USP15: variants seen among roughly 807,000 people sequenced by gnomAD.
USP15 encodes ubiquitin carboxyl-terminal hydrolase 15.
A neutral mutation model predicts 127.1 loss-of-function variants in USP15; 18 were observed. The observed-to-expected ratio is 0.14, with a 90% CI of 0.10 to 0.21. The LOEUF (loss-of-function observed/expected upper bound fraction) is 0.21. Ranked by LOEUF, USP15 falls within the 10% of genes least tolerant of loss-of-function variation. USP15 has a pLI of 1.00. For synonymous variants in USP15, 364 were observed against 393.7 expected (o/e 0.92, Z 0.89); for missense variants, 805 against 1,159.9 (o/e 0.69, Z 4.44).
intron 6 of USP15, among the ~76,000 whole-genome samples, chr12:62,332,625 G>GA (rs1245564710): frequency 1.3e-5 from 2 of 151,600 alleles, no homozygotes; most frequent in Non-Finnish European, 2.9e-5. Flanking sequence ...GTATTGGGTG[G>GA]AAAAAAAATA....
chr12:62,391,655 T>C (rs1216250448), intron 16 of USP15, among the ~76,000 whole-genome samples, 161 bp from the exon 17 acceptor site: 1 of 152,110 alleles, frequency 6.6e-6, no homozygotes, highest in Admixed American at 6.5e-5. Flanking sequence ...TTTTAAACTC[T>C]TAAATTATTT....
chr12:62,384,292 A>G lies in USP15; in HGVS notation c.1463A>G (p.Lys488Arg), dbSNP rs2067074733. ...TTAGTTAGAATGGATCCACTTACCA[A>G]ACCTATGCAGGTAAATCATGGGTTG... ...VYLVRMDPLT[K>R]PMQYKVVVPK... Residue 488 changes from lysine (K) to arginine (R), a missense_variant, in exon 11 of 22, where the codon AAA (lysine) becomes AGA (arginine). By Grantham distance (26) the Lys-to-Arg change is conservative. Around this residue, in one of 11 missense-constraint regions of USP15, gnomAD observed 82 missense variants for 104.4 expected, o/e 0.79. Transcript: ENST00000280377. The G allele has an allele frequency of 6.2e-7, 1 of 1,603,880 alleles. No homozygotes were observed. The highest frequency in any genetic ancestry group is 8.5e-7 in the Non-Finnish European group (1 of 1,175,452).
intron 14 of USP15, 112 bp downstream of exon 14, chr12:62,390,100 A>G: frequency 2.7e-6 from 3 of 1,129,516 alleles, no homozygotes; most frequent in Non-Finnish European, 3.5e-6. Context: ...TCAAGTCTGT[A>G]TTATCTCAAT....
intron 6 of USP15, among the ~76,000 whole-genome samples, chr12:62,332,721 T>C (rs978260270): frequency 6.6e-6 from 1 of 152,218 alleles, no homozygotes; most frequent in Non-Finnish European, 1.5e-5. Context: ...GAATAGGACA[T>C]GAGTGGCAGA....
intron 1 of USP15, among the ~76,000 whole-genome samples, chr12:62,287,832 A>G (rs2063828360): frequency 6.6e-6 from 1 of 152,136 alleles, no homozygotes; most frequent in Admixed American, 6.5e-5. Context: ...TCCCTGTACC[A>G]TTTATTGAAT....
chr12:62,323,884 T>A (rs2065057291), intron 5 of USP15, among the ~76,000 whole-genome samples: 1 of 152,096 alleles, frequency 6.6e-6, no homozygotes, highest in Non-Finnish European at 1.5e-5. Context: ...AGATTAAGTA[T>A]CCTTAAGGAC....
chr12:62,290,292 G>C (rs2063922787), intron 1 of USP15, among the ~76,000 whole-genome samples: 1 of 152,056 alleles, frequency 6.6e-6, no homozygotes, highest in Non-Finnish European at 1.5e-5. Context: ...ATCTGGGTTT[G>C]GGTCTTCTGG....
rs563656777 is a variant in USP15 at position 62,289,519 on chromosome 12, C to G, written c.90-4660C>G. Among the ~76,000 whole-genome samples the G allele has an allele frequency of 1.5e-4, 23 of 152,064 alleles. No homozygotes were observed. The South Asian group carries it at 4.8e-3, about 32-fold the overall frequency. On this transcript the variant is annotated intron_variant, in intron 1 of 21. Coordinates refer to ENST00000280377, the MANE Select transcript of USP15 (RefSeq NM_001252078.2). ...CTTCTTGGTTAGTCTAGCTAGCAGTCTGTCCGTTTTGTTTCTCTTTTCAAA... is the reference window on the plus strand; with the variant it reads ...CTTCTTGGTTAGTCTAGCTAGCAGTGTGTCCGTTTTGTTTCTCTTTTCAAA...
chr12:62,408,035 G>A lies in USP15; in HGVS notation c.*3660G>A, dbSNP rs1482290138. 6.6e-6 allele frequency: 1 copy of A among 152,092 alleles called. No homozygotes were observed. The highest frequency in any genetic ancestry group is 1.5e-5 in the Non-Finnish European group (1 of 68,014). The allele number at this position is 152,092 out of a possible 1,614,324, so 9.4% of individuals were successfully genotyped here. ...ATTGATTTGGGCACAAAGAAAATCA[G>A]TAAGTACCAAAATAGATACAACATA... is the stretch of plus-strand genomic sequence containing the variant. On this transcript the variant is annotated 3_prime_UTR_variant, in exon 22 of 22. Coordinates refer to ENST00000280377, the MANE Select transcript of USP15 (RefSeq NM_001252078.2).
chr12:62,268,487 A>T (rs780304266), intron 1 of USP15, among the ~76,000 whole-genome samples: 1 of 152,122 alleles, frequency 6.6e-6, no homozygotes, highest in Non-Finnish European at 1.5e-5. Flanking sequence ...TTAGCCTTGT[A>T]GTCTCAGCAG....
At position 62,414,976 on chromosome 12, in the gene USP15, A is replaced by ATACATATGTATCATATATG. The variant is rs1555226071; in HGVS notation, c.*10608_*10609insGTATCATATATGTACATAT. 6 of 147,158 alleles carry ATACATATGTATCATATATG rather than the reference A, an allele frequency of 4.1e-5. No homozygotes were observed. The highest frequency in any genetic ancestry group is 1.5e-4 in the African/African-American group (6 of 39,544). The allele number at this position is 147,158 out of a possible 1,614,324, so 9.1% of individuals were successfully genotyped here. A position where few individuals can be genotyped will look rare whatever the true frequency, so the allele number is the denominator to read the frequency against. ...CCTCATATATACACATATCATGTAT[A>ATACATATGTATCATATATG]TACATATATATCATATATGTACATA... is the stretch of plus-strand genomic sequence containing the variant. On this transcript the variant is annotated 3_prime_UTR_variant, in exon 22 of 22. Transcript: ENST00000280377.
intron 8 of USP15, among the ~76,000 whole-genome samples, chr12:62,377,723 T>C (rs976505369): frequency 6.7e-6 from 1 of 149,770 alleles, no homozygotes; most frequent in Non-Finnish European, 1.5e-5. Flanking sequence ...TGAGATTCCA[T>C]CTCCAAAAAA....
intron 6 of USP15, among the ~76,000 whole-genome samples, chr12:62,337,512 G>T (rs1347678838): frequency 2.6e-5 from 4 of 152,038 alleles, no homozygotes; most frequent in African/African-American, 7.2e-5. Flanking sequence ...CGTGCAGAAT[G>T]TGCAGGTTTG....
intron 8 of USP15, among the ~76,000 whole-genome samples, chr12:62,357,527 GTGA>G (rs2066171021): frequency 1.3e-5 from 2 of 151,896 alleles, no homozygotes; most frequent in African/African-American, 4.8e-5. Flanking sequence ...AGCCGTGAGC[GTGA>G]TGGTTTATAA....
intron 7 of USP15, among the ~76,000 whole-genome samples, chr12:62,350,581 G>A (rs1346538265): frequency 1.3e-5 from 2 of 152,056 alleles, no homozygotes; most frequent in African/African-American, 4.8e-5. Flanking sequence ...AATTTTCTAA[G>A]ACAGTCTTAG....
At chr12:62,277,955 C>T (rs1565810929) in intron 1 of USP15, among the ~76,000 whole-genome samples, 2 of 152,058 alleles carry the variant, frequency 1.3e-5, no homozygotes, top group Non-Finnish European at 2.9e-5. Context: ...CGTTATAAAC[C>T]TTAAAAATGT....
intron 1 of USP15, among the ~76,000 whole-genome samples, chr12:62,266,126 A>C (rs2137032127): frequency 6.6e-6 from 1 of 152,292 alleles, no homozygotes; most frequent in South Asian, 2.1e-4. Flanking sequence ...TCAGACAAAA[A>C]AATTTGAGGT....
intron 19 of USP15, among the ~76,000 whole-genome samples, chr12:62,395,515 T>C (rs571467702): frequency 4.0e-4 from 61 of 152,160 alleles, no homozygotes; most frequent in Non-Finnish European, 8.2e-4. Flanking sequence ...GTCACACTCT[T>C]AGTTATTTTT....
intron 20 of USP15, among the ~76,000 whole-genome samples, chr12:62,398,638 G>A (rs2067576290): frequency 6.6e-6 from 1 of 152,144 alleles, no homozygotes; most frequent in Non-Finnish European, 1.5e-5. Flanking sequence ...TAGCAGTTGA[G>A]AGCATTGTCT....
Sources: gnomAD v4.1 joint callset for allele counts (sites outside exome capture counted in the v4.1 genomes callset) on GRCh38, gnomAD v4.1.1 for gene constraint, gnomAD v4.1.1 regional missense constraint, MANE v1.5 for transcripts, NCBI Gene and HGNC (gene_info 2026-07-23, HGNC 2026-07-21) for gene names.